Variants in HAVCR2 observed in about 807,000 individuals in gnomAD.
The protein encoded by HAVCR2 is hepatitis A virus cellular receptor 2.
In HAVCR2, 13 loss-of-function variants were observed where a neutral mutation model predicts 24.7. That is an observed-to-expected ratio of 0.53 (90% CI 0.34 to 0.84). The LOEUF (loss-of-function observed/expected upper bound fraction) is 0.84. HAVCR2 is among the 40% of genes least tolerant of loss of function. The pLI, the probability that HAVCR2 is intolerant of heterozygous loss-of-function variation, is 0.01. For missense variants in HAVCR2, 343 were observed against 371.2 expected, an observed-to-expected ratio of 0.92 and a Z score of 0.62; for synonymous variants, 154 against 143.4, an observed-to-expected ratio of 1.07 and a Z score of -0.53.
rs776185551 is a variant in HAVCR2, at chr5:157,106,880, G to A, written c.141C>T (p.Asn47=). Residue 47 remains asparagine (N), a synonymous_variant, in exon 2 of 7, where the codon AAC becomes AAT. Transcript: ENST00000307851. ...PCFYTPAAPG[N]LVPVCWGKGA... Reference sequence around the variant, plus strand: ...CTTTGCCCCAGCAGACGGGCACGAGGTTCCCTGGGGCGGCTGGGGTGTAGA... The same window carrying A: ...CTTTGCCCCAGCAGACGGGCACGAGATTCCCTGGGGCGGCTGGGGTGTAGA... The A allele has an allele frequency of 8.1e-6, 13 of 1,614,102 alleles. No homozygotes were observed. The highest frequency in any genetic ancestry group is 1.7e-5 in the Admixed American group (1 of 60,002).
intron 1 of HAVCR2, among the ~76,000 whole-genome samples, chr5:157,107,548 GA>G (rs1757270799): frequency 6.6e-6 from 1 of 152,150 alleles, no homozygotes. Context: ...TTAAAGTTGT[GA>G]AAAGAAATTA....
chr5:157,106,994 A>C, intron 1 of HAVCR2, 32 bp from the exon 2 acceptor site: 14 of 1,556,830 alleles, frequency 9.0e-6, no homozygotes, highest in Middle Eastern at 1.7e-4. Context: ...GCCAAGACTC[A>C]AGCGGTGAGT....
chr5:157,098,051 C>T, intron 4 of HAVCR2, among the ~76,000 whole-genome samples: 1 of 152,000 alleles, frequency 6.6e-6, no homozygotes, highest in East Asian at 1.9e-4. Context: ...TTGGGCGGAT[C>T]ACCTGAGGTC....
intron 1 of HAVCR2, 27 bp downstream of exon 1, chr5:157,108,899 A>G (rs750427947): frequency 1.9e-6 from 3 of 1,609,442 alleles, no homozygotes; most frequent in South Asian, 2.2e-5. Context: ...CCATTATGTC[A>G]TTGTAAATAT....
rs35378253 is a variant in HAVCR2 at position 157,095,696 on chromosome 5, G to T, written c.523-237C>A. ...TGTGCCCTTCTGTGTTGTGGGTAGA[G>T]AAGGAGCTCTTAAAAAAAAAAAAAA... On this transcript the variant is annotated intron_variant, in intron 4 of 6. Coordinates refer to ENST00000307851, the MANE Select transcript of HAVCR2 (RefSeq NM_032782.5). 5.8e-3 allele frequency among the ~76,000 whole-genome samples: 681 copies of T among 117,054 alleles called. 1 individual carries two copies. The highest frequency in any genetic ancestry group is 8.3e-3 in the Non-Finnish European group (494 of 59,416). 76.8% of individuals were successfully genotyped at this position (117,054 alleles called of 152,430 possible). A position where few individuals can be genotyped will look rare whatever the true frequency, so the allele number is the denominator to read the frequency against.
rs143098742 is a variant in HAVCR2, at chr5:157,095,369, T to C, written c.613A>G (p.Ile205Val). 1.2e-5 allele frequency: 20 copies of C among 1,614,048 alleles called. No individual in the cohort carries two copies. The highest frequency in any genetic ancestry group is 1.1e-4 in the South Asian group (10 of 91,088). Reference protein sequence around the residue: ...SGATIRIGIYIGAGICAGLAL... With the variant: ...SGATIRIGIYVGAGICAGLAL... Reference sequence around the variant, plus strand: ...AGCCCAGCACAGATCCCTGCTCCGATGTAGATGCCTATTCTGATGGTTGCT... The same window carrying C: ...AGCCCAGCACAGATCCCTGCTCCGACGTAGATGCCTATTCTGATGGTTGCT... Residue 205 changes from isoleucine (I) to valine (V), a missense_variant, in exon 5 of 7, where the codon ATC (isoleucine) becomes GTC (valine). Transcript: ENST00000307851.
intron 4 of HAVCR2, among the ~76,000 whole-genome samples, chr5:157,098,314 G>A (rs1429295231): frequency 6.6e-6 from 1 of 152,022 alleles, no homozygotes; most frequent in Non-Finnish European, 1.5e-5. Flanking sequence ...GGCTGAGGCA[G>A]GAGAATCGCT....
chr5:157,105,620 C>A (rs550836008), intron 2 of HAVCR2, among the ~76,000 whole-genome samples: 3 of 152,110 alleles, frequency 2.0e-5, no homozygotes, highest in Non-Finnish European at 2.9e-5. Context: ...GAGCTCACAG[C>A]GTTTCAATAA....
At chr5:157,097,613 T>C (rs1479693779) in intron 4 of HAVCR2, among the ~76,000 whole-genome samples, 1 of 151,936 alleles carries the variant, frequency 6.6e-6, no homozygotes, top group Non-Finnish European at 1.5e-5. Context: ...GTGGTTTTTC[T>C]TTTATGAGGG....
intron 2 of HAVCR2, among the ~76,000 whole-genome samples, chr5:157,105,923 G>A (rs1182477597): frequency 6.6e-6 from 1 of 152,000 alleles, no homozygotes; most frequent in Admixed American, 6.6e-5. Context: ...TATCAGCCAG[G>A]CTGGTCTCAA....
chr5:157,108,805 AT>A, intron 1 of HAVCR2, 120 bp downstream of exon 1: 6 of 791,726 alleles, frequency 7.6e-6, no homozygotes, highest in Admixed American at 2.5e-5. Context: ...ATCGACGGAC[AT>A]TTAGGTTGCT....
intron 5 of HAVCR2, among the ~76,000 whole-genome samples, chr5:157,094,684 G>A (rs1030392720): frequency 1.3e-5 from 2 of 149,962 alleles, no homozygotes; most frequent in East Asian, 2.0e-4. Flanking sequence ...CGCCGGGCCT[G>A]TTTTTTTGTT....
intron 4 of HAVCR2, among the ~76,000 whole-genome samples, chr5:157,095,726 A>AG (rs397799073): frequency 6.4e-5 from 9 of 140,598 alleles, no homozygotes; most frequent in African/African-American, 1.8e-4. Flanking sequence ...AAAAAAAAAA[A>AG]GAGAGAAGGA....
intron 3 of HAVCR2, among the ~76,000 whole-genome samples, chr5:157,102,534 G>A (rs1757182192): frequency 6.6e-6 from 1 of 151,916 alleles, no homozygotes; most frequent in Non-Finnish European, 1.5e-5. Flanking sequence ...ATTTTTGGTT[G>A]TTTCAATATT....
rs548640550 is a variant in HAVCR2, at chr5:157,088,510, G to A, written c.713+431C>T. Among the ~76,000 whole-genome samples the A allele has an allele frequency of 2.0e-5, 3 of 152,160 alleles. No individual in the cohort carries two copies. In the South Asian group the frequency reaches 6.2e-4, roughly 31 times the overall value. ...TGCATTAGTACACTTCAGTGCCTGG[G>A]TGATTCTAATAGGAAACTAAAGTTG... On this transcript the variant is annotated intron_variant, in intron 6 of 6. Transcript: ENST00000307851.
chr5:157,095,530 G>T, intron 4 of HAVCR2, 71 bp from the exon 5 acceptor site: 1 of 1,546,508 alleles, frequency 6.5e-7, no homozygotes, highest in South Asian at 1.1e-5. Context: ...TTCAAGATTT[G>T]TGAATTGGAC....
At chr5:157,087,805 A>G (rs112316277) in intron 6 of HAVCR2, among the ~76,000 whole-genome samples, 5,994 of 151,748 alleles carry the variant, frequency 0.039, 293 homozygotes, top group African/African-American at 0.12. Flanking sequence ...TTGGGAGGCT[A>G]ATGCAGAGAA....
chr5:157,092,026 GT>G (rs1757010397), intron 5 of HAVCR2, among the ~76,000 whole-genome samples: 2 of 151,890 alleles, frequency 1.3e-5, no homozygotes, highest in Non-Finnish European at 2.9e-5. Context: ...CAGTAGCCAT[GT>G]TTTTTTGGAG....
Position 157,106,487 on chromosome 5 carries a change from G to A in HAVCR2, c.394+140C>T, listed in dbSNP as rs554069524. ...TTAAATATCACTGAGCATCACCAAT[G>A]GGGCCTGTTAAACTTTAGGTCTTAG... On this transcript the variant is annotated intron_variant, in intron 2 of 6. Coordinates refer to ENST00000307851, the MANE Select transcript of HAVCR2 (RefSeq NM_032782.5). 2.7e-5 allele frequency: 18 copies of A among 661,572 alleles called. No individual in the cohort carries two copies. The African/African-American group carries it at 3.1e-4, about 11-fold the overall frequency. 41.0% of individuals were successfully genotyped at this position (661,572 alleles called of 1,614,324 possible).
Sources: allele counts gnomAD v4.1 joint callset (sites outside exome capture counted in the v4.1 genomes callset), GRCh38; gene constraint gnomAD v4.1.1; transcripts MANE v1.5; gene names NCBI Gene and HGNC (gene_info 2026-07-23, HGNC 2026-07-21).